The following CACNA1A variants were observed in gnomAD, a reference collection of about 807,000 sequenced individuals.
The protein encoded by CACNA1A is calcium voltage-gated channel subunit alpha1 A.
A neutral mutation model predicts 262.4 loss-of-function variants in CACNA1A; 57 were observed. The observed-to-expected ratio is 0.22, with a 90% CI of 0.18 to 0.27. The LOEUF (loss-of-function observed/expected upper bound fraction) is 0.27, where lower values mean the gene tolerates loss of function less well. Among genes scored for constraint, CACNA1A ranks in the 10% least tolerant of loss-of-function variants. The pLI is 1.00. For synonymous variants in CACNA1A, 1,431 were observed against 1,419.3 expected (o/e 1.01, Z -0.18); for missense variants, 2,526 against 3,562.8 (o/e 0.71, Z 7.41).
intron 5 of CACNA1A, chr19:13,362,980 T>A (rs954983362): frequency 4.7e-4 from 71 of 152,164 alleles, no homozygotes; most frequent in African/African-American, 1.6e-3. Flanking sequence ...GTCCAGAGTG[T>A]CTGAGGAATT....
intron 3 of CACNA1A, among the ~76,000 whole-genome samples, chr19:13,445,330 C>A (rs890672946): frequency 6.6e-5 from 10 of 152,118 alleles, no homozygotes; most frequent in Non-Finnish European, 1.5e-5. Context: ...TCAGAGCTGG[C>A]AAAGACCCAG....
intron 36 of CACNA1A, chr19:13,228,591 TAGAG>T (rs34941295): frequency 0.016 from 3,535 of 216,540 alleles, 33 homozygotes; most frequent in African/African-American, 0.032. Flanking sequence ...TCTGTTTTTT[TAGAG>T]AGAGAGAGAG....
In CACNA1A at chr19:13,207,161, G is replaced by T; in HGVS notation, c.*152C>A. ...AGGGTCTCTGCGGGACACCCTTGTG[G>T]CCCAGCCCTGGCCTCTCCAGAGTCT... On this transcript the variant is annotated 3_prime_UTR_variant, in exon 47 of 47. Coordinates refer to ENST00000360228, the MANE Select transcript of CACNA1A (RefSeq NM_001127222.2). The surrounding 1 kb of genome is among the most constrained non-coding windows in gnomAD (Gnocchi z 5.7). The T allele has an allele frequency of 1.2e-6, 1 of 841,434 alleles. No homozygotes were observed. The highest frequency in any genetic ancestry group is 1.7e-6 in the Non-Finnish European group (1 of 590,954). 52.1% of individuals were successfully genotyped at this position (841,434 alleles called of 1,614,324 possible).
At chr19:13,242,851 G>A (rs79024331) in intron 31 of CACNA1A, among the ~76,000 whole-genome samples, 3,214 of 152,248 alleles carry the variant, frequency 0.021, 112 homozygotes, top group African/African-American at 0.071. Flanking sequence ...AAGAGATAGC[G>A]CAAGTTGTCC....
rs73922377 is a variant in CACNA1A at position 13,357,121 on chromosome 19, C to T, written c.978+2485G>A. Among the ~76,000 whole-genome samples, 820 of 152,260 alleles carry T rather than the reference C, an allele frequency of 5.4e-3. 12 individuals carry two copies. Among genetic ancestry groups the T allele is most frequent in the African/African-American group, 0.019 (791 of 41,544 alleles). The stretch of plus-strand genomic sequence containing the variant: ...TTTTGCTGCCTACTCCCAACTAAAA[C>T]GGGCCTTTGTTGATCAGGATTACAA... On this transcript the variant is annotated intron_variant, in intron 6 of 46. Transcript: ENST00000360228.
rs777572840 is a variant in CACNA1A at position 13,262,859 on chromosome 19, G to A, written c.3990-26C>T. On this transcript the variant is annotated intron_variant, in intron 24 of 46. Coordinates refer to ENST00000360228, the MANE Select transcript of CACNA1A (RefSeq NM_001127222.2). ...CTGTGGAGGAATGTTTAGGTGGGAA[G>A]AAGGGAAGAGAGGAAGCAGAGGTCA... 1.2e-5 allele frequency: 18 copies of A among 1,517,502 alleles called. No individual in the cohort carries two copies. In the East Asian group the frequency reaches 3.8e-4, roughly 32 times the overall value. 94.0% of individuals were successfully genotyped at this position (1,517,502 alleles called of 1,614,324 possible).
chr19:13,440,500 AATT>A (rs769595170), intron 3 of CACNA1A, among the ~76,000 whole-genome samples: 2 of 152,198 alleles, frequency 1.3e-5, no homozygotes, highest in East Asian at 3.8e-4. Flanking sequence ...AAGTAGTAAT[AATT>A]ATTATCATCA....
chr19:13,263,106 G>T (rs1408378210), intron 24 of CACNA1A: 7 of 445,634 alleles, frequency 1.6e-5, no homozygotes, highest in Non-Finnish European at 2.9e-5. Flanking sequence ...CAGCTGTATT[G>T]GGTGTCCCTG....
At position 13,446,112 on chromosome 19, in the gene CACNA1A, T is replaced by C. The variant is rs367793149; in HGVS notation, c.539+6764A>G. On this transcript the variant is annotated intron_variant, in intron 3 of 46. Coordinates refer to ENST00000360228, the MANE Select transcript of CACNA1A (RefSeq NM_001127222.2). ...TGATAGTGTGAAACCCCGTCTCTAC[T>C]AAAAATACAAAAATTAGCCAGGCAC... is the stretch of plus-strand genomic sequence containing the variant. Among the ~76,000 whole-genome samples, 48 of 151,984 alleles carry C rather than the reference T, an allele frequency of 3.2e-4. No homozygotes were observed. In the East Asian group the frequency reaches 8.9e-3, roughly 28 times the overall value.
chr19:13,248,755 A>G (rs916095315), intron 30 of CACNA1A, among the ~76,000 whole-genome samples: 1 of 151,830 alleles, frequency 6.6e-6, no homozygotes, highest in African/African-American at 2.4e-5. Flanking sequence ...AGGCAGGACA[A>G]TTGCTTGAAC....
intron 7 of CACNA1A, among the ~76,000 whole-genome samples, chr19:13,335,510 G>A (rs781193844): frequency 1.1e-4 from 16 of 152,152 alleles, no homozygotes; most frequent in Non-Finnish European, 1.0e-4. Context: ...TACACCGTTA[G>A]AGCATATGCT....
At chr19:13,373,448 G>A (rs2059357334) in intron 3 of CACNA1A, among the ~76,000 whole-genome samples, 1 of 152,198 alleles carries the variant, frequency 6.6e-6, no homozygotes, top group South Asian at 2.1e-4. Context: ...AACTTTAAGG[G>A]AGCAGCCCTC....
At chr19:13,377,373 A>ATTT (rs1169102792) in intron 3 of CACNA1A, among the ~76,000 whole-genome samples, 1 of 140,138 alleles carries the variant, frequency 7.1e-6, no homozygotes, top group Non-Finnish European at 1.5e-5. Flanking sequence ...CTAACACAAC[A>ATTT]TTTTTTTTTT....
chr19:13,395,250 G>A (rs1476172058), intron 3 of CACNA1A, among the ~76,000 whole-genome samples: 1 of 146,748 alleles, frequency 6.8e-6, no homozygotes, highest in African/African-American at 2.5e-5. Flanking sequence ...CTCCAGCCTG[G>A]GCAACAGAGT....
chr19:13,506,182 C>G lies in CACNA1A; in HGVS notation c.43G>C (p.Gly15Arg). The G allele has an allele frequency of 6.6e-7, 1 of 1,520,506 alleles. No individual in the cohort carries two copies. Among genetic ancestry groups the G allele is most frequent in the Non-Finnish European group, 8.8e-7 (1 of 1,136,390 alleles). The allele number at this position is 1,520,506 out of a possible 1,614,324, so 94.2% of individuals were successfully genotyped here. ...ACCCCGGCGGCTGCCCCGGAGCCTCCTCCCCCGTAGCGGGCCGGCATCTCG... is the reference window on the plus strand; with the variant it reads ...ACCCCGGCGGCTGCCCCGGAGCCTCGTCCCCCGTAGCGGGCCGGCATCTCG... ...GDEMPARYGG[G>R]GSGAAAGVVV... The change falls in exon 1 of 47, where the codon GGA becomes CGA. Residue 15 changes from glycine to arginine, a missense_variant. Gly to Arg is a moderately radical substitution (Grantham distance 125). Around this residue, in one of 17 missense-constraint regions of CACNA1A, gnomAD observed 65 missense variants for 75.6 expected, o/e 0.86. Coordinates refer to ENST00000360228, the MANE Select transcript of CACNA1A (RefSeq NM_001127222.2).
In CACNA1A at chr19:13,207,139, G is replaced by T. The variant is rs2054597203; in HGVS notation, c.*174C>A. On this transcript the variant is annotated 3_prime_UTR_variant, in exon 47 of 47. Coordinates refer to ENST00000360228, the MANE Select transcript of CACNA1A (RefSeq NM_001127222.2). The surrounding 1 kb of genome is among the most constrained non-coding windows in gnomAD (Gnocchi z 5.7). Reference sequence around the variant, plus strand: ...CCAGGAGGGTCTCTTTTGGCCGAGGGTCTCTGCGGGACACCCTTGTGGCCC... The same window carrying T: ...CCAGGAGGGTCTCTTTTGGCCGAGGTTCTCTGCGGGACACCCTTGTGGCCC... 9.1e-6 allele frequency: 6 copies of T among 657,512 alleles called. No homozygotes were observed. The highest frequency in any genetic ancestry group is 4.3e-5 in the Admixed American group (1 of 23,422). The allele number at this position is 657,512 out of a possible 1,614,324, so 40.7% of individuals were successfully genotyped here.
At chr19:13,338,524 C>A (rs115916885) in intron 6 of CACNA1A, among the ~76,000 whole-genome samples, 1 of 150,806 alleles carries the variant, frequency 6.6e-6, no homozygotes, top group Non-Finnish European at 1.5e-5. Context: ...TGCAAACAAT[C>A]CACACTGTTA....
chr19:13,217,235 AG>A (rs2055047047), intron 38 of CACNA1A, among the ~76,000 whole-genome samples: 1 of 7,002 alleles, frequency 1.4e-4, no homozygotes, highest in East Asian at 8.2e-3. Context: ...TGGACAGGGA[AG>A]AGAGAGAGAG....
chr19:13,377,209 G>A (rs1003736045), intron 3 of CACNA1A, among the ~76,000 whole-genome samples: 29 of 151,974 alleles, frequency 1.9e-4, no homozygotes, highest in Admixed American at 1.6e-3. Context: ...TGATCCACAC[G>A]CCTCGGCCTC....
Sources: gnomAD v4.1 joint callset for allele counts (sites outside exome capture counted in the v4.1 genomes callset) on GRCh38, gnomAD v4.1.1 for gene constraint, gnomAD v4.1.1 regional missense constraint, Gnocchi (gnomAD v3.1) non-coding constraint, MANE v1.5 for transcripts, NCBI Gene and HGNC (gene_info 2026-07-23, HGNC 2026-07-21) for gene names.